The following ZRANB3 variants were observed in gnomAD, a reference collection of about 807,000 sequenced individuals.
ZRANB3 encodes the protein DNA annealing helicase and endonuclease ZRANB3.
ZRANB3 carries 125 observed loss-of-function variants against 133.8 expected under a neutral mutation model. The ratio of observed to expected loss-of-function variants is 0.93; its 90% CI spans 0.81 to 1.08. The LOEUF (loss-of-function observed/expected upper bound fraction) is 1.08. Ranked by LOEUF, ZRANB3 falls within the 50% of genes least tolerant of loss-of-function variation. ZRANB3 has a pLI of 0.00. For missense variants in ZRANB3, 1,229 were observed against 1,275.5 expected (o/e 0.96, Z 0.56); for synonymous variants, 387 against 432.7 (o/e 0.89, Z 1.31).
intron 6 of ZRANB3, among the ~76,000 whole-genome samples, chr2:135,330,179 T>C (rs1684065297): frequency 1.3e-5 from 2 of 152,222 alleles, no homozygotes; most frequent in South Asian, 2.1e-4. Context: ...CAGTATGATA[T>C]TGGCTGTGGA....
intron 2 of ZRANB3, among the ~76,000 whole-genome samples, chr2:135,406,840 C>A (rs1448391056): frequency 6.6e-6 from 1 of 152,100 alleles, no homozygotes; most frequent in African/African-American, 2.4e-5. Context: ...TAAGAGCTAT[C>A]TATGACAAAC....
chr2:135,219,114 A>C lies in ZRANB3; in HGVS notation c.2315T>G (p.Leu772Ter). The change falls in exon 16 of 21, where the codon TTA becomes TGA. Residue 772 changes from leucine to a stop codon, truncating the protein, a stop_gained. Transcript: ENST00000264159. LOFTEE classifies it high-confidence loss of function. ...TTGTTTCAGCTGAAAGCTTGCTGGT[A>C]AATCTTCCCAAAGGTCTAATTTTAT... is the stretch of plus-strand genomic sequence containing the variant. ...LDIKLDLWED[L>*]PASFQLKQYR... 1 of 1,533,732 alleles carries C rather than the reference A, an allele frequency of 6.5e-7. No individual in the cohort carries two copies. The highest frequency in any genetic ancestry group is 8.7e-7 in the Non-Finnish European group (1 of 1,145,350).
intron 12 of ZRANB3, among the ~76,000 whole-genome samples, chr2:135,251,146 T>C (rs1679371742): frequency 6.6e-6 from 1 of 152,234 alleles, no homozygotes; most frequent in African/African-American, 2.4e-5. Flanking sequence ...TTTGGAGCTT[T>C]AAAATTTGAC....
chr2:135,307,802 C>T (rs990310964), intron 8 of ZRANB3, among the ~76,000 whole-genome samples: 22 of 152,212 alleles, frequency 1.4e-4, no homozygotes, highest in African/African-American at 4.6e-4. Flanking sequence ...ATGTAGTCAG[C>T]GCTGAGTTCT....
intron 17 of ZRANB3, among the ~76,000 whole-genome samples, chr2:135,209,784 T>C (rs1694021387): frequency 6.6e-6 from 1 of 152,244 alleles, no homozygotes; most frequent in African/African-American, 2.4e-5. Context: ...TTTCTTAATA[T>C]TATTGAGTGC....
chr2:135,251,610 C>T (rs531911641), intron 12 of ZRANB3, among the ~76,000 whole-genome samples: 3 of 152,160 alleles, frequency 2.0e-5, no homozygotes, highest in East Asian at 1.9e-4. Flanking sequence ...TCATGAGACC[C>T]GATGGTTTTA....
At chr2:135,449,828 G>A (rs1026709877) in intron 2 of ZRANB3, among the ~76,000 whole-genome samples, 1 of 151,930 alleles carries the variant, frequency 6.6e-6, no homozygotes, top group Admixed American at 6.6e-5. Flanking sequence ...CAAAACCTTG[G>A]GTCATCACAG....
At chr2:135,406,593 T>C (rs1317845547) in intron 2 of ZRANB3, among the ~76,000 whole-genome samples, 2 of 152,104 alleles carry the variant, frequency 1.3e-5, no homozygotes, top group South Asian at 4.1e-4. Flanking sequence ...GCAAACCGAA[T>C]CCAGCAGCAC....
intron 1 of ZRANB3, chr2:135,511,559 C>G: frequency 1.0e-6 from 1 of 1,003,410 alleles, no homozygotes; most frequent in Admixed American, 1.7e-5. Context: ...CTGAAGATAT[C>G]ATTGTGAACA....
intron 1 of ZRANB3, among the ~76,000 whole-genome samples, chr2:135,506,421 G>A (rs1275413819): frequency 6.6e-6 from 1 of 152,004 alleles, no homozygotes; most frequent in Non-Finnish European, 1.5e-5. Context: ...CAATGTGGCT[G>A]ATGATCCAAA....
chr2:135,485,563 A>C (rs1692076915), intron 2 of ZRANB3, among the ~76,000 whole-genome samples: 1 of 152,204 alleles, frequency 6.6e-6, no homozygotes, highest in Non-Finnish European at 1.5e-5. Flanking sequence ...GGCACTGTGC[A>C]GGGTGCTGTC....
chr2:135,517,235 A>G (rs1315754863), intron 1 of ZRANB3, among the ~76,000 whole-genome samples: 1 of 151,950 alleles, frequency 6.6e-6, no homozygotes, highest in East Asian at 1.9e-4. Flanking sequence ...TTAAGCTTGG[A>G]GAAGTTTGTT....
Position 135,199,559 on chromosome 2 carries a change from C to G in ZRANB3, c.*783G>C, listed in dbSNP as rs1693533995. 1 of 152,210 alleles carries G rather than the reference C, an allele frequency of 6.6e-6. No individual in the cohort carries two copies. Among genetic ancestry groups the G allele is most frequent in the Non-Finnish European group, 1.5e-5 (1 of 68,088 alleles). The allele number at this position is 152,210 out of a possible 1,614,324, so 9.4% of individuals were successfully genotyped here. On this transcript the variant is annotated 3_prime_UTR_variant, in exon 21 of 21. Transcript: ENST00000264159. ...TCATGATCCACCCGCTTTGGCCTCC[C>G]AAAGTGCTGGGATTACATGCGTGAG...
intron 2 of ZRANB3, among the ~76,000 whole-genome samples, chr2:135,473,058 A>C (rs1362558061): frequency 2.6e-5 from 4 of 152,182 alleles, no homozygotes; most frequent in Non-Finnish European, 5.9e-5. Flanking sequence ...AATGGCATTA[A>C]GTACATTCAC....
intron 3 of ZRANB3, among the ~76,000 whole-genome samples, chr2:135,359,350 G>A (rs574818587): frequency 5.3e-4 from 81 of 152,026 alleles, no homozygotes; most frequent in Non-Finnish European, 9.6e-4. Context: ...TTGGGAGGCC[G>A]AGGCAGCAGG....
At chr2:135,423,028 A>T (rs777274089) in intron 2 of ZRANB3, among the ~76,000 whole-genome samples, 10 of 152,144 alleles carry the variant, frequency 6.6e-5, no homozygotes, top group Non-Finnish European at 1.0e-4. Context: ...CTTCTCTCCT[A>T]TCTTCTGGTG....
intron 1 of ZRANB3, among the ~76,000 whole-genome samples, chr2:135,510,201 T>C (rs1382469229): frequency 6.6e-6 from 1 of 152,106 alleles, no homozygotes; most frequent in Non-Finnish European, 1.5e-5. Context: ...ATGTCAGTAA[T>C]ACGCAAGACA....
chr2:135,255,972 G>A (rs1456921548), intron 12 of ZRANB3, among the ~76,000 whole-genome samples: 3 of 150,300 alleles, frequency 2.0e-5, no homozygotes, highest in Admixed American at 2.0e-4. Flanking sequence ...GGAGTGCAGT[G>A]GAGAAATCAC....
At chr2:135,440,170 T>C (rs1284226092) in intron 2 of ZRANB3, among the ~76,000 whole-genome samples, 2 of 152,182 alleles carry the variant, frequency 1.3e-5, no homozygotes, top group South Asian at 4.1e-4. Context: ...TTAATCTACA[T>C]AATGTTTTTG....
Sources: allele counts gnomAD v4.1 joint callset (sites outside exome capture counted in the v4.1 genomes callset), GRCh38; gene constraint gnomAD v4.1.1; transcripts MANE v1.5; gene names NCBI Gene and HGNC (gene_info 2026-07-23, HGNC 2026-07-21).